ARMC8: variants seen among roughly 807,000 people sequenced by gnomAD.
ARMC8 encodes armadillo repeat-containing protein 8.
ARMC8 carries 20 observed loss-of-function variants against 99.3 expected under a neutral mutation model. The observed-to-expected ratio is 0.20, with a 90% CI of 0.14 to 0.29. ARMC8 has a LOEUF of 0.29. Among genes scored for constraint, ARMC8 ranks in the 10% least tolerant of loss-of-function variants. The pLI, the probability that ARMC8 is intolerant of heterozygous loss-of-function variation, is 1.00. For missense variants in ARMC8, 569 were observed against 809.5 expected, an observed-to-expected ratio of 0.70 and a Z score of 3.60; for synonymous variants, 263 against 278.3, an observed-to-expected ratio of 0.95 and a Z score of 0.55.
At chr3:138,243,683 T>A (rs995805202) in intron 11 of ARMC8, among the ~76,000 whole-genome samples, 2 of 152,184 alleles carry the variant, frequency 1.3e-5, no homozygotes, top group African/African-American at 2.4e-5. Flanking sequence ...TTCTGTGGAA[T>A]TTTTTGTTAC....
At chr3:138,252,964 T>G (rs565309290) in intron 12 of ARMC8, among the ~76,000 whole-genome samples, 96 of 152,174 alleles carry the variant, frequency 6.3e-4, no homozygotes, top group African/African-American at 2.2e-3. Context: ...ACTGATTCCC[T>G]TGTTTGAATG....
intron 1 of ARMC8, among the ~76,000 whole-genome samples, chr3:138,200,654 A>C (rs568461740): frequency 1.2e-4 from 18 of 152,080 alleles, no homozygotes; most frequent in Middle Eastern, 3.4e-3. Context: ...CCTGATTAGA[A>C]CTGCTGAGAG....
At chr3:138,244,309 G>A (rs1036939669) in intron 11 of ARMC8, among the ~76,000 whole-genome samples, 6 of 151,622 alleles carry the variant, frequency 4.0e-5, no homozygotes, top group East Asian at 1.9e-4. Flanking sequence ...ATGTAGTCTC[G>A]CTCTGTTGCC....
intron 16 of ARMC8, among the ~76,000 whole-genome samples, chr3:138,272,077 C>G (rs1452794422): frequency 6.6e-6 from 1 of 152,106 alleles, no homozygotes; most frequent in African/African-American, 2.4e-5. Flanking sequence ...ACCCATGATA[C>G]AAATTAGAGA....
chr3:138,289,073 T>A lies in ARMC8; in HGVS notation c.1847T>A (p.Leu616His). 1 of 1,613,490 alleles carries A rather than the reference T, an allele frequency of 6.2e-7. No homozygotes were observed. Among genetic ancestry groups the A allele is most frequent in the Non-Finnish European group, 8.5e-7 (1 of 1,179,604 alleles). Reference sequence around the variant, plus strand: ...GGCCATTCACATGTTAAACTGCAGCTTGCAGCCATGTTTTGTATATCAAAC... The same window carrying A: ...GGCCATTCACATGTTAAACTGCAGCATGCAGCCATGTTTTGTATATCAAAC... Reference protein sequence around the residue: ...YMGHSHVKLQLAAMFCISNLI... With the variant: ...YMGHSHVKLQHAAMFCISNLI... Residue 616 changes from leucine to histidine, a missense_variant, in exon 20 of 22, where the codon CTT (leucine) becomes CAT (histidine). Physicochemically the swap from Leu to His is moderately conservative, Grantham distance 99. Transcript: ENST00000469044.
chr3:138,274,375 A>G (rs2049073820), intron 17 of ARMC8, 74 bp from the exon 18 acceptor site: 1 of 956,754 alleles, frequency 1.0e-6, no homozygotes, highest in African/African-American at 1.6e-5. Flanking sequence ...ATATTGTTTT[A>G]ACTTTTAGAA....
At chr3:138,289,288 A>G in intron 20 of ARMC8, among the ~76,000 whole-genome samples, 168 bp downstream of exon 20, 1 of 152,166 alleles carries the variant, frequency 6.6e-6, no homozygotes, top group African/African-American at 2.4e-5. Flanking sequence ...AACTAGCCCA[A>G]GTCAGCTGGT....
chr3:138,277,944 G>T (rs1290283253), intron 18 of ARMC8, among the ~76,000 whole-genome samples: 1 of 152,184 alleles, frequency 6.6e-6, no homozygotes, highest in South Asian at 2.1e-4. Flanking sequence ...GTTGCTGTAT[G>T]TAACAACATG....
At chr3:138,233,115 A>C (rs1210372199) in intron 6 of ARMC8, among the ~76,000 whole-genome samples, 1 of 152,022 alleles carries the variant, frequency 6.6e-6, no homozygotes, top group Non-Finnish European at 1.5e-5. Flanking sequence ...TAAGCCAAGG[A>C]CTCCTTTGTT....
At chr3:138,293,866 C>T (rs936858359) in intron 21 of ARMC8, among the ~76,000 whole-genome samples, 3 of 152,162 alleles carry the variant, frequency 2.0e-5, no homozygotes, top group African/African-American at 7.2e-5. Flanking sequence ...TAGGTTTAGC[C>T]TGCTTGCTTA....
intron 15 of ARMC8, among the ~76,000 whole-genome samples, chr3:138,268,153 G>A (rs1308740986): frequency 6.6e-6 from 1 of 152,118 alleles, no homozygotes; most frequent in East Asian, 1.9e-4. Context: ...TGAGGCAAGA[G>A]AATCACTTGA....
rs530588705 is a variant in ARMC8 at position 138,239,806 on chromosome 3, C to T, written c.837+278C>T. Among the ~76,000 whole-genome samples the T allele has an allele frequency of 2.0e-5, 3 of 152,232 alleles. No homozygotes were observed. In the East Asian group the frequency reaches 5.8e-4, roughly 29 times the overall value. ...AGGATGTGGAAATTGTAAAAGTGTA[C>T]AATTCAGGTGAAACAGAAAATATAT... On this transcript the variant is annotated intron_variant, in intron 10 of 21. Coordinates refer to ENST00000469044, the MANE Select transcript of ARMC8 (RefSeq NM_001363941.2).
rs1361712268 is a variant in ARMC8 at position 138,228,997 on chromosome 3, C to T, written c.515C>T (p.Ser172Leu). ...CAGGAGTACATCTGTCAGATCTTCT[C>T]ACACTGCTGTAAAGTAAGAACCAGA... ...YTQEYICQIF[S>L]HCCKGPDHQT... The change falls in exon 6 of 22, where the codon TCA becomes TTA. Residue 172 changes from serine to leucine, a missense_variant. Coordinates refer to ENST00000469044, the MANE Select transcript of ARMC8 (RefSeq NM_001363941.2). The T allele has an allele frequency of 3.1e-6, 5 of 1,607,862 alleles. No homozygotes were observed. The highest frequency in any genetic ancestry group is 1.7e-5 in the Admixed American group (1 of 59,762).
At chr3:138,282,364 T>G (rs1308716714) in intron 18 of ARMC8, among the ~76,000 whole-genome samples, 1 of 152,128 alleles carries the variant, frequency 6.6e-6, no homozygotes, top group Non-Finnish European at 1.5e-5. Flanking sequence ...AGAATACTTG[T>G]AGGCTGGGCA....
In ARMC8 at chr3:138,241,859, CCTAT is replaced by C; in HGVS notation, c.917_920del (p.Tyr306Ter). 1 of 1,613,952 alleles carries C rather than the reference CCTAT, an allele frequency of 6.2e-7. No individual in the cohort carries two copies. Among genetic ancestry groups the C allele is most frequent in the Non-Finnish European group, 8.5e-7 (1 of 1,179,880 alleles). On this transcript the variant is annotated frameshift_variant, in exon 11 of 22. Coordinates refer to ENST00000469044, the MANE Select transcript of ARMC8 (RefSeq NM_001363941.2). LOFTEE classifies it high-confidence loss of function. Reference sequence around the variant, plus strand: ...AGAGTTGAAGGAGCTGAGACACTTGCCTATCTGATTGAACCAGATGTTGAGCTAC... The same window carrying C: ...AGAGTTGAAGGAGCTGAGACACTTGCCTGATTGAACCAGATGTTGAGCTAC...
At chr3:138,291,446 G>C (rs549791950) in intron 21 of ARMC8, among the ~76,000 whole-genome samples, 6 of 152,298 alleles carry the variant, frequency 3.9e-5, no homozygotes, top group Middle Eastern at 3.4e-3. Context: ...TCATTCATCA[G>C]ATATCTCTTT....
chr3:138,207,017 CT>C (rs1286631362), intron 1 of ARMC8, among the ~76,000 whole-genome samples: 1 of 152,202 alleles, frequency 6.6e-6, no homozygotes, highest in Non-Finnish European at 1.5e-5. Context: ...ATTGGTTAGC[CT>C]TTTGTGTTTT....
intron 19 of ARMC8, chr3:138,287,570 A>G (rs543711150): frequency 2.5e-4 from 113 of 454,756 alleles, no homozygotes; most frequent in Non-Finnish European, 4.7e-4. Flanking sequence ...CATTTATTCA[A>G]CAAATATTGA....
intron 12 of ARMC8, among the ~76,000 whole-genome samples, chr3:138,247,094 A>C (rs1241619187): frequency 6.6e-6 from 1 of 152,196 alleles, no homozygotes; most frequent in Non-Finnish European, 1.5e-5. Flanking sequence ...TAGGCGTGGA[A>C]AAATTTTATT....
Sources: allele counts gnomAD v4.1 joint callset (sites outside exome capture counted in the v4.1 genomes callset), GRCh38; gene constraint gnomAD v4.1.1; transcripts MANE v1.5; gene names NCBI Gene and HGNC (gene_info 2026-07-23, HGNC 2026-07-21).